The following SFMBT2 variants were observed in gnomAD, a reference collection of about 807,000 sequenced individuals.
SFMBT2 encodes scm-like with four MBT domains protein 2.
A neutral mutation model predicts 110.1 loss-of-function variants in SFMBT2; 38 were observed. The ratio of observed to expected loss-of-function variants is 0.35; its 90% CI spans 0.27 to 0.45. The LOEUF (loss-of-function observed/expected upper bound fraction) is 0.45. Among genes scored for constraint, SFMBT2 ranks in the 20% least tolerant of loss-of-function variants. The pLI is 1.00. For missense variants in SFMBT2, 1,011 were observed against 1,094.9 expected (o/e 0.92, Z 1.08); for synonymous variants, 425 against 425.4 (o/e 1.00, Z 0.01).
intron 11 of SFMBT2, among the ~76,000 whole-genome samples, chr10:7,211,731 C>A (rs551833282): frequency 6.6e-6 from 1 of 152,362 alleles, no homozygotes; most frequent in South Asian, 2.1e-4. Context: ...TAAAACCACC[C>A]ACCCTGGCTT....
At chr10:7,365,396 C>T (rs555933739) in intron 4 of SFMBT2, among the ~76,000 whole-genome samples, 1 of 152,286 alleles carries the variant, frequency 6.6e-6, no homozygotes, top group African/African-American at 2.4e-5. Context: ...GCACTTTTAC[C>T]TTCTTCAGTA....
Position 7,393,802 on chromosome 10 carries a change from T to C in SFMBT2, c.-51-11853A>G, listed in dbSNP as rs189399404. ...TGCCCTCTGACCCCTAGACCTAGGA[T>C]CACCCAGCTGATTGTCCCCATGAAC... On this transcript the variant is annotated intron_variant, in intron 1 of 20. Coordinates refer to ENST00000397167, the MANE Select transcript of SFMBT2 (RefSeq NM_001387889.1). Among the ~76,000 whole-genome samples, 494 of 152,230 alleles carry C rather than the reference T, an allele frequency of 3.2e-3. 2 individuals carry two copies. The highest frequency in any genetic ancestry group is 3.7e-3 in the Non-Finnish European group (255 of 68,018).
At chr10:7,368,715 G>C (rs2132054091) in intron 3 of SFMBT2, among the ~76,000 whole-genome samples, 1 of 152,310 alleles carries the variant, frequency 6.6e-6, no homozygotes, top group East Asian at 1.9e-4. Context: ...GAAAAATTGT[G>C]ATCAATGTCT....
chr10:7,373,657 G>A (rs1845120987), intron 2 of SFMBT2, among the ~76,000 whole-genome samples: 1 of 152,110 alleles, frequency 6.6e-6, no homozygotes, highest in Non-Finnish European at 1.5e-5. Flanking sequence ...CGTGTCTCCT[G>A]CAGAATCCTA....
chr10:7,299,801 C>T (rs548146737), intron 4 of SFMBT2, among the ~76,000 whole-genome samples: 6 of 152,132 alleles, frequency 3.9e-5, no homozygotes, highest in African/African-American at 1.2e-4. Flanking sequence ...GAATATAAAT[C>T]ATTCTACTAA....
chr10:7,257,177 G>A (rs774122475), intron 7 of SFMBT2, among the ~76,000 whole-genome samples: 13 of 151,610 alleles, frequency 8.6e-5, no homozygotes, highest in Admixed American at 5.3e-4. Context: ...AGAGTATCAC[G>A]CTGGAAAAAG....
intron 4 of SFMBT2, among the ~76,000 whole-genome samples, chr10:7,345,347 AC>A (rs1264935164): frequency 3.3e-5 from 5 of 152,202 alleles, no homozygotes; most frequent in African/African-American, 1.2e-4. Flanking sequence ...ACTAATAACT[AC>A]AAAAATATTT....
chr10:7,407,692 C>G (rs1330406255), intron 1 of SFMBT2, among the ~76,000 whole-genome samples: 4 of 152,200 alleles, frequency 2.6e-5, no homozygotes. Context: ...GCCCAAAGAT[C>G]CTGAAAATTC....
chr10:7,329,619 G>A lies in SFMBT2; in HGVS notation c.436+38030C>T, dbSNP rs576399184. The A allele has an allele frequency of 1.7e-3, 920 of 533,774 alleles. 9 individuals carry two copies. The highest frequency in any genetic ancestry group is 0.015 in the African/African-American group (727 of 48,436). 33.1% of individuals were successfully genotyped at this position (533,774 alleles called of 1,614,324 possible). On this transcript the variant is annotated intron_variant, in intron 4 of 20. Coordinates refer to ENST00000397167, the MANE Select transcript of SFMBT2 (RefSeq NM_001387889.1). ...CACAGATTCCTCGGTTAGAAATCCAGATGGAACACAGCAAGGCAGGCTCGT... is the reference window on the plus strand; with the variant it reads ...CACAGATTCCTCGGTTAGAAATCCAAATGGAACACAGCAAGGCAGGCTCGT...
intron 8 of SFMBT2, 120 bp downstream of exon 8, chr10:7,248,428 C>T: frequency 2.5e-6 from 2 of 789,646 alleles, no homozygotes; most frequent in Non-Finnish European, 4.1e-6. Flanking sequence ...TCTTCCTTAG[C>T]TTCGCCTGGC....
At chr10:7,191,675 G>C (rs1838604781) in intron 15 of SFMBT2, among the ~76,000 whole-genome samples, 1 of 152,116 alleles carries the variant, frequency 6.6e-6, no homozygotes, top group East Asian at 1.9e-4. Flanking sequence ...TCCGTAATTG[G>C]CTTATTTGTT....
intron 7 of SFMBT2, among the ~76,000 whole-genome samples, chr10:7,275,861 C>T (rs1169501089): frequency 1.3e-5 from 2 of 152,232 alleles, no homozygotes; most frequent in East Asian, 3.8e-4. Context: ...AATCCTTAAA[C>T]TCTGCTGTAC....
At chr10:7,320,388 C>T (rs1299003581) in intron 4 of SFMBT2, among the ~76,000 whole-genome samples, 1 of 152,212 alleles carries the variant, frequency 6.6e-6, no homozygotes, top group African/African-American at 2.4e-5. Context: ...CAGAGGGTTA[C>T]AGCCACTTGT....
At chr10:7,288,126 A>G (rs7087932) in intron 4 of SFMBT2, among the ~76,000 whole-genome samples, 85,682 of 151,950 alleles carry the variant, frequency 0.56, 24,407 homozygotes, top group East Asian at 0.74. Flanking sequence ...ATGAGCTTTC[A>G]CAGAACAGCC....
chr10:7,307,096 C>T (rs971283029), intron 4 of SFMBT2, among the ~76,000 whole-genome samples: 7 of 152,148 alleles, frequency 4.6e-5, no homozygotes, highest in Admixed American at 3.9e-4. Context: ...ATACCATTTA[C>T]ATAAGCTTCA....
chr10:7,300,260 C>A (rs151294140), intron 4 of SFMBT2, among the ~76,000 whole-genome samples: 1 of 151,516 alleles, frequency 6.6e-6, no homozygotes, highest in African/African-American at 2.4e-5. Flanking sequence ...ATGTAACAAA[C>A]CTGCACGTTC....
intron 4 of SFMBT2, among the ~76,000 whole-genome samples, chr10:7,357,139 G>C (rs574108501): frequency 2.6e-5 from 4 of 152,152 alleles, no homozygotes; most frequent in Non-Finnish European, 5.9e-5. Flanking sequence ...TACACAAAAT[G>C]TTCTGCCTCT....
At chr10:7,285,329 T>A (rs1482813488) in intron 5 of SFMBT2, 1 of 152,302 alleles carries the variant, frequency 6.6e-6, no homozygotes, top group African/African-American at 2.4e-5. Flanking sequence ...ACATTAAAAT[T>A]TCCTTGGCTA....
intron 1 of SFMBT2, among the ~76,000 whole-genome samples, chr10:7,400,831 T>C (rs544720601): frequency 6.6e-6 from 1 of 152,028 alleles, no homozygotes; most frequent in Non-Finnish European, 1.5e-5. Flanking sequence ...AGAGCAAACA[T>C]CTCAAAAAGC....
Sources: allele counts gnomAD v4.1 joint callset (sites outside exome capture counted in the v4.1 genomes callset), GRCh38; gene constraint gnomAD v4.1.1; transcripts MANE v1.5; gene names NCBI Gene and HGNC (gene_info 2026-07-23, HGNC 2026-07-21).